The following HDAC10 variants were observed in gnomAD, a reference collection of about 807,000 sequenced individuals.
HDAC10 encodes the protein polyamine deacetylase HDAC10.
Under a neutral mutation model 82.3 loss-of-function variants are expected in HDAC10, and 90 were observed. The observed-to-expected ratio is 1.09, with a 90% CI of 0.92 to 1.30. The LOEUF (loss-of-function observed/expected upper bound fraction) is 1.30, where lower values mean the gene tolerates loss of function less well. Ranked by LOEUF, HDAC10 falls within the 50% of genes most tolerant of loss-of-function variation. The pLI, the probability that HDAC10 is intolerant of heterozygous loss-of-function variation, is 0.00. For missense variants in HDAC10, 934 were observed against 876.3 expected, an observed-to-expected ratio of 1.07 and a Z score of -0.83; for synonymous variants, 456 against 391.7, an observed-to-expected ratio of 1.16 and a Z score of -1.94.
At chr22:50,247,532 C>T (rs2064984476) in intron 14 of HDAC10, 160 bp downstream of exon 14, 1 of 571,460 alleles carries the variant, frequency 1.7e-6, no homozygotes, top group Non-Finnish European at 3.1e-6. Flanking sequence ...ATCCCCACCC[C>T]TGGGGCTGTT....
chr22:50,245,568 C>G, intron 19 of HDAC10, 38 bp from the exon 20 acceptor site: 1 of 1,425,966 alleles, frequency 7.0e-7, no homozygotes, highest in South Asian at 1.1e-5. Flanking sequence ...CAGTTGGCCT[C>G]CGGCGCTGGA....
chr22:50,245,627 G>T (rs953191607), intron 19 of HDAC10, 48 bp downstream of exon 19: 1 of 1,611,444 alleles, frequency 6.2e-7, no homozygotes, highest in Non-Finnish European at 8.5e-7. Context: ...GATCTGTGCG[G>T]CAGAGCCAGG....
In HDAC10 at chr22:50,249,991, C is replaced by T; in HGVS notation, c.390-27G>A. On this transcript the variant is annotated intron_variant, in intron 4 of 19. Transcript: ENST00000216271. This position sits in a 1 kb window ranked among gnomAD's most constrained non-coding sequence, Gnocchi z 4.4. ...TACGGCGTGAGAGTAGGATTTGGGT[C>T]ACGTCAGGGTCGCCCTGGCCCCTCA... The T allele has an allele frequency of 6.2e-7, 1 of 1,610,812 alleles. No homozygotes were observed. Among genetic ancestry groups the T allele is most frequent in the Non-Finnish European group, 8.5e-7 (1 of 1,178,258 alleles).
At position 50,248,527 on chromosome 22, in the gene HDAC10, C is replaced by T; in HGVS notation, c.907-55G>A. On this transcript the variant is annotated intron_variant, in intron 10 of 19. Coordinates refer to ENST00000216271, the MANE Select transcript of HDAC10 (RefSeq NM_032019.6). This position sits in a 1 kb window ranked among gnomAD's most constrained non-coding sequence, Gnocchi z 5.4. The stretch of plus-strand genomic sequence containing the variant: ...CAGAGATATCACTGGGATGGGATGT[C>T]ACCGGGAGAGCCCCTGCCTGGCTCT... 3.2e-6 allele frequency: 5 copies of T among 1,545,964 alleles called. No homozygotes were observed. The highest frequency in any genetic ancestry group is 1.2e-5 in the South Asian group (1 of 86,428).
In HDAC10 at chr22:50,249,382, G is replaced by C; in HGVS notation, c.636C>G (p.Asp212Glu). 6.2e-7 allele frequency: 1 copy of C among 1,612,654 alleles called. No individual in the cohort carries two copies. The highest frequency in any genetic ancestry group is 1.1e-5 in the South Asian group (1 of 91,086). Residue 212 changes from aspartate to glutamate, a missense_variant, in exon 7 of 20, where the codon GAC becomes GAG. By Grantham distance (45) the Asp-to-Glu change is conservative (BLOSUM62 2). Transcript: ENST00000216271. The surrounding 1 kb of genome is among the most constrained non-coding windows in gnomAD (Gnocchi z 4.4). ...CGAGGCCCTGTCCCCGCCCCACTGCGTCTGCATCTGACTCTCGCAGGAAAG... is the reference window on the plus strand; with the variant it reads ...CGAGGCCCTGTCCCCGCCCCACTGCCTCTGCATCTGACTCTCGCAGGAAAG... ...FWPFLRESDA[D>E]AVGRGQGLGF...
At position 50,248,514 on chromosome 22, in the gene HDAC10, T is replaced by G. The variant is rs550630806; in HGVS notation, c.907-42A>C. On this transcript the variant is annotated intron_variant, in intron 10 of 19. Coordinates refer to ENST00000216271, the MANE Select transcript of HDAC10 (RefSeq NM_032019.6). This position sits in a 1 kb window ranked among gnomAD's most constrained non-coding sequence, Gnocchi z 5.4. ...GACATGATTGGGGCAGAGATATCAC[T>G]GGGATGGGATGTCACCGGGAGAGCC... 3.2e-6 allele frequency: 5 copies of G among 1,565,420 alleles called. No individual in the cohort carries two copies. The highest frequency in any genetic ancestry group is 4.3e-6 in the Non-Finnish European group (5 of 1,155,206).
At chr22:50,247,142 T>TTC in intron 14 of HDAC10, 176 bp from the exon 15 acceptor site, 1 of 493,250 alleles carries the variant, frequency 2.0e-6, no homozygotes, top group East Asian at 3.3e-5. Context: ...CTATAATTTT[T>TTC]TTTTTTTTTT....
Position 50,251,070 on chromosome 22 carries a change from C to A in HDAC10, c.-38G>T. 1 of 1,582,558 alleles carries A rather than the reference C, an allele frequency of 6.3e-7. No homozygotes were observed. The highest frequency in any genetic ancestry group is 1.7e-5 in the Admixed American group (1 of 58,542). ...GTCACCCTGGGTTCCCAAACGCCCT[C>A]GCTAGTGGTGCCTGCCACTGCCTGT... On this transcript the variant is annotated 5_prime_UTR_variant, in exon 1 of 20. Coordinates refer to ENST00000216271, the MANE Select transcript of HDAC10 (RefSeq NM_032019.6).
rs370995976 is a variant in HDAC10, at chr22:50,250,859, C to G, written c.106G>C (p.Asp36His). 5 of 1,602,242 alleles carry G rather than the reference C, an allele frequency of 3.1e-6. No individual in the cohort carries two copies. Among genetic ancestry groups the G allele is most frequent in the Non-Finnish European group, 4.3e-6 (5 of 1,175,432 alleles). Residue 36 changes from aspartate to histidine, a missense_variant, in exon 2 of 20, where the codon GAT becomes CAT. Asp to His is a moderately conservative substitution (Grantham distance 81, BLOSUM62 -1). Coordinates refer to ENST00000216271, the MANE Select transcript of HDAC10 (RefSeq NM_032019.6). ...ERPERLTAAL[D>H]RLRQRGLEQR... ...TCCAGGCCGCGCTGCCGCAGGCGAT[C>G]CAGGGCTGCGGTCAGGCGCTCAGGA...
chr22:50,245,309 T>C lies in HDAC10; in HGVS notation c.*198A>G, dbSNP rs1453016743. 1 of 511,514 alleles carries C rather than the reference T, an allele frequency of 2.0e-6. No individual in the cohort carries two copies. Among genetic ancestry groups the C allele is most frequent in the African/African-American group, 3.7e-5 (1 of 27,034 alleles). 31.7% of individuals were successfully genotyped at this position (511,514 alleles called of 1,614,324 possible). ...ATGGGACGGGCCGGGGCGCGATGGG[T>C]GGGGCGGGGGCGAGGTGAGGTGAGG... On this transcript the variant is annotated 3_prime_UTR_variant, in exon 20 of 20. Coordinates refer to ENST00000216271, the MANE Select transcript of HDAC10 (RefSeq NM_032019.6).
intron 15 of HDAC10, 65 bp from the exon 16 acceptor site, chr22:50,246,800 T>G: frequency 6.2e-7 from 1 of 1,600,828 alleles, no homozygotes; most frequent in South Asian, 1.1e-5. Context: ...CAGAACTCTC[T>G]GTGCTTGGCC....
intron 14 of HDAC10, 21 bp from the exon 15 acceptor site, chr22:50,246,987 G>A (rs1354708269): frequency 6.5e-7 from 1 of 1,527,990 alleles, no homozygotes; most frequent in Non-Finnish European, 8.9e-7. Context: ...AATAAACAGT[G>A]GAGAATGAGG....
At chr22:50,250,365 G>A (rs943654969) in intron 3 of HDAC10, 62 bp downstream of exon 3, 29 of 1,511,382 alleles carry the variant, frequency 1.9e-5, no homozygotes, top group Non-Finnish European at 2.6e-5. Flanking sequence ...GGCCGTGGCT[G>A]TGAACGCTCA....
rs1365080555 is a variant in HDAC10 at position 50,250,763 on chromosome 22, G to C, written c.194+8C>G. On this transcript the variant is annotated splice_region_variant and intron_variant, in intron 2 of 19. Coordinates refer to ENST00000216271, the MANE Select transcript of HDAC10 (RefSeq NM_032019.6). ...GCCCCCCATCGTGGGGCCTGCCCCC[G>C]TCCTGACCTGTGCACCAGGCCCAGC... 6.3e-7 allele frequency: 1 copy of C among 1,587,558 alleles called. No individual in the cohort carries two copies. Among genetic ancestry groups the C allele is most frequent in the Admixed American group, 1.7e-5 (1 of 58,084 alleles).
At position 50,248,337 on chromosome 22, in the gene HDAC10, G is replaced by A. The variant is rs1474958166; in HGVS notation, c.1013+29C>T. On this transcript the variant is annotated intron_variant, in intron 11 of 19. Coordinates refer to ENST00000216271, the MANE Select transcript of HDAC10 (RefSeq NM_032019.6). The surrounding 1 kb of genome is among the most constrained non-coding windows in gnomAD (Gnocchi z 5.4). ...GTCGTGACACCTGGTCTCACACCCC[G>A]GCCCTGCCCGCCCTACCTCCCCTCG... is the stretch of plus-strand genomic sequence containing the variant. 1.7e-5 allele frequency: 28 copies of A among 1,611,250 alleles called. No homozygotes were observed. The highest frequency in any genetic ancestry group is 2.7e-5 in the African/African-American group (2 of 74,878).
At chr22:50,250,649 C>T (rs942143219) in intron 2 of HDAC10, 122 bp downstream of exon 2, 2 of 1,329,134 alleles carry the variant, frequency 1.5e-6, no homozygotes, top group African/African-American at 1.4e-5. Context: ...TGAGCCCACC[C>T]GAGGTGCATA....
At chr22:50,246,461 C>CG in intron 16 of HDAC10, 85 bp from the exon 17 acceptor site, 1 of 1,237,438 alleles carries the variant, frequency 8.1e-7, no homozygotes, top group Non-Finnish European at 1.2e-6. Context: ...AGAGCATTCA[C>CG]GGGGCCATGG....
chr22:50,251,178 C>T lies in HDAC10; in HGVS notation c.-146G>A, dbSNP rs376575444. ...CGGCGGGCACCGGCCTGGGCGGGAG[C>T]GCACAGAACCTAGGCAGGCTCCGGG... On this transcript the variant is annotated 5_prime_UTR_variant, in exon 1 of 20. Transcript: ENST00000216271. The T allele has an allele frequency of 1.8e-4, 134 of 756,750 alleles. No homozygotes were observed. The East Asian group carries it at 3.3e-3, about 19-fold the overall frequency. The allele number at this position is 756,750 out of a possible 1,614,324, so 46.9% of individuals were successfully genotyped here. A position where few individuals can be genotyped will look rare whatever the true frequency, so the allele number is the denominator to read the frequency against.
intron 2 of HDAC10, 105 bp from the exon 3 acceptor site, chr22:50,250,628 C>A (rs909738333): frequency 1.7e-5 from 22 of 1,323,946 alleles, no homozygotes; most frequent in African/African-American, 1.6e-4. Context: ...CCTGTCACTT[C>A]CTCAAGCCTG....
Sources: gnomAD v4.1 joint callset for allele counts on GRCh38, gnomAD v4.1.1 for gene constraint, Gnocchi (gnomAD v3.1) non-coding constraint, MANE v1.5 for transcripts, NCBI Gene and HGNC (gene_info 2026-07-23, HGNC 2026-07-21) for gene names.